CIART: variants seen among roughly 807,000 people sequenced by gnomAD.
The protein encoded by CIART is circadian-associated transcriptional repressor.
Under a neutral mutation model 22.1 loss-of-function variants are expected in CIART, and 7 were observed. The ratio of observed to expected loss-of-function variants is 0.32; its 90% confidence interval spans 0.18 to 0.59. The LOEUF is 0.59. CIART is among the 20% of genes least tolerant of loss of function. The probability of loss-of-function intolerance (pLI) is 0.86; values close to 1 mark genes in which losing one functional copy is unlikely to be tolerated. For synonymous variants in CIART, 163 were observed against 174.6 expected (o/e 0.93, Z 0.53); for missense variants, 440 against 478.0 (o/e 0.92, Z 0.74).
At position 150,286,415 on chromosome 1, in the gene CIART, T is replaced by G. The variant is rs1553854629; in HGVS notation, c.634-15T>G. 6.5e-7 allele frequency: 1 copy of G among 1,545,374 alleles called. No individual in the cohort carries two copies. Among genetic ancestry groups the G allele is most frequent in the Non-Finnish European group, 8.9e-7 (1 of 1,119,948 alleles). On this transcript the variant is annotated splice_polypyrimidine_tract_variant and intron_variant, in intron 4 of 4. Coordinates refer to ENST00000290363, the MANE Select transcript of CIART (RefSeq NM_144697.4). ...TTCTCCACATTTCTTTTTTTCTCAT[T>G]TCTCCCCTCTCTAGCATTTTCCAAG...
chr1:150,284,622 C>G lies in CIART; in HGVS notation c.547C>G (p.Gln183Glu). 1 of 1,613,642 alleles carries G rather than the reference C, an allele frequency of 6.2e-7. No individual in the cohort carries two copies. The highest frequency in any genetic ancestry group is 1.1e-5 in the South Asian group (1 of 91,074). Residue 183 changes from glutamine to glutamate, a missense_variant, in exon 4 of 5, where the codon CAG becomes GAG. By Grantham distance (29) the Gln-to-Glu change is conservative (BLOSUM62 2). Transcript: ENST00000290363. ...GGAACGTTACCTAGGAACCTTGCTACAGGTAGAAGGGATGTTAAAGACTTG... is the reference window on the plus strand; with the variant it reads ...GGAACGTTACCTAGGAACCTTGCTAGAGGTAGAAGGGATGTTAAAGACTTG... ...MGERYLGTLL[Q>E]VEGMLKTWFP... is the part of the protein sequence containing the mutation.
Position 150,284,504 on chromosome 1 carries a change from G to T in CIART, c.521G>T (p.Gly174Val). ...IVGVLQKPQM[G>V]ERYLGTLLQV... ...GGTGTTTTGCAGAAGCCACAGATGG[G>T]GTAAGTCCCGCTGGTTCTTTGCTTG... The change falls in exon 3 of 5, where the codon GGG becomes GTG. Residue 174 changes from glycine (G) to valine (V), a missense_variant and splice_region_variant. Physicochemically the swap from Gly to Val is moderately radical, Grantham distance 109. Transcript: ENST00000290363. 6.2e-7 allele frequency: 1 copy of T among 1,607,798 alleles called. No individual in the cohort carries two copies. The highest frequency in any genetic ancestry group is 8.5e-7 in the Non-Finnish European group (1 of 1,174,248).
rs782721064 is a variant in CIART at position 150,283,437 on chromosome 1, C to T, written c.170C>T (p.Pro57Leu). 40 of 1,614,076 alleles carry T rather than the reference C, an allele frequency of 2.5e-5. No individual in the cohort carries two copies. The change falls in exon 1 of 5, where the codon CCC becomes CTC. Residue 57 changes from proline to leucine, a missense_variant. Physicochemically the swap from Pro to Leu is moderately conservative, Grantham distance 98. Transcript: ENST00000290363. ...GTTGGGCAGAGGGGAGGTTCACGGC[C>T]CAGCCCGGGTCCTATCCGCTGCAGG... is the stretch of plus-strand genomic sequence containing the variant. ...DTVGQRGGSR[P>L]SPGPIRCRHR...
At chr1:150,286,193 C>T (rs1553854576) in intron 4 of CIART, among the ~76,000 whole-genome samples, 1 of 152,026 alleles carries the variant, frequency 6.6e-6, no homozygotes, top group East Asian at 1.9e-4. Context: ...TATCCAGTGT[C>T]TAATATAGTA....
chr1:150,283,711 A>C, intron 1 of CIART, 78 bp downstream of exon 1: 1 of 1,566,810 alleles, frequency 6.4e-7, no homozygotes, highest in Non-Finnish European at 8.8e-7. Flanking sequence ...CTGTGAGGAC[A>C]GTATTGACTC....
rs781798034 is a variant in CIART, at chr1:150,286,400, TTC to T, written c.634-28_634-27del. 2.0e-6 allele frequency: 3 copies of T among 1,519,860 alleles called. No homozygotes were observed. In the South Asian group the frequency reaches 3.4e-5, roughly 17 times the overall value. The allele number at this position is 1,519,860 out of a possible 1,614,324, so 94.1% of individuals were successfully genotyped here. On this transcript the variant is annotated intron_variant, in intron 4 of 4. Transcript: ENST00000290363. ...GCTCATCTGAATGCTTTCTCCACATTTCTTTTTTTCTCATTTCTCCCCTCTCT... is the reference window on the plus strand; with the variant it reads ...GCTCATCTGAATGCTTTCTCCACATTTTTTTTTCTCATTTCTCCCCTCTCT...
Position 150,286,841 on chromosome 1 carries a change from A to G in CIART, c.1045A>G (p.Thr349Ala). ...PVTLPSDWSY[T>A]LSPPSLPTLA... The stretch of plus-strand genomic sequence containing the variant: ...AACTCTGCCATCAGACTGGAGCTAT[A>G]CCCTATCCCCTCCCAGTCTACCCAC... The change falls in exon 5 of 5, where the codon ACC (threonine) becomes GCC (alanine). Residue 349 changes from threonine (T) to alanine (A), a missense_variant. Coordinates refer to ENST00000290363, the MANE Select transcript of CIART (RefSeq NM_144697.4). The G allele has an allele frequency of 6.2e-7, 1 of 1,613,312 alleles. No individual in the cohort carries two copies. Among genetic ancestry groups the G allele is most frequent in the Admixed American group, 1.7e-5 (1 of 59,978 alleles).
Position 150,284,727 on chromosome 1 carries a change from G to C in CIART, c.633+19G>C, listed in dbSNP as rs375566582. The C allele has an allele frequency of 1.3e-6, 2 of 1,562,328 alleles. No individual in the cohort carries two copies. The highest frequency in any genetic ancestry group is 2.3e-5 in the South Asian group (2 of 88,868). On this transcript the variant is annotated intron_variant, in intron 4 of 4. Coordinates refer to ENST00000290363, the MANE Select transcript of CIART (RefSeq NM_144697.4). ...GACCAAGGTAAGAACTTAAGAACAC[G>C]AGGAAGAGGTGGGAAAATAGCCAAG...
At position 150,283,250 on chromosome 1, in the gene CIART, G is replaced by A; in HGVS notation, c.-18G>A. 6.6e-7 allele frequency: 1 copy of A among 1,510,842 alleles called. No homozygotes were observed. Among genetic ancestry groups the A allele is most frequent in the Non-Finnish European group, 8.9e-7 (1 of 1,129,940 alleles). The allele number at this position is 1,510,842 out of a possible 1,614,324, so 93.6% of individuals were successfully genotyped here. A position where few individuals can be genotyped will look rare whatever the true frequency, so the allele number is the denominator to read the frequency against. On this transcript the variant is annotated 5_prime_UTR_variant, in exon 1 of 5. Coordinates refer to ENST00000290363, the MANE Select transcript of CIART (RefSeq NM_144697.4). Reference sequence around the variant, plus strand: ...TGGGTACTCCAGGAGCTGTTCTATAGCCCCTGCTTCTGGACCTATGGATTC... The same window carrying A: ...TGGGTACTCCAGGAGCTGTTCTATAACCCCTGCTTCTGGACCTATGGATTC...
chr1:150,282,769 T>C lies in CIART; in HGVS notation c.-499T>C, dbSNP rs1408696944. 2.6e-5 allele frequency: 4 copies of C among 152,298 alleles called. No individual in the cohort carries two copies. Among genetic ancestry groups the C allele is most frequent in the East Asian group, 3.9e-4 (2 of 5,168 alleles). The allele number at this position is 152,298 out of a possible 1,614,324, so 9.4% of individuals were successfully genotyped here. A position where few individuals can be genotyped will look rare whatever the true frequency, so the allele number is the denominator to read the frequency against. On this transcript the variant is annotated 5_prime_UTR_variant, in exon 1 of 5. Transcript: ENST00000290363. ...GCGCAGGGATCCTGATCTTGAAAGA[T>C]TGGGAGAGGGCAGGAGGCCAGTCTC...
intron 4 of CIART, among the ~76,000 whole-genome samples, chr1:150,285,948 G>A (rs1445427021): frequency 2.6e-5 from 4 of 152,082 alleles, no homozygotes; most frequent in Non-Finnish European, 2.9e-5. Context: ...TGCCAGCCTC[G>A]TTGACAGAGT....
At chr1:150,285,461 G>A (rs1196931600) in intron 4 of CIART, 5 of 153,120 alleles carry the variant, frequency 3.3e-5, no homozygotes, top group South Asian at 2.0e-4. Flanking sequence ...GCTCGAACCC[G>A]GGAGGCAGAG....
In CIART at chr1:150,286,922, GTTGCTGCTGATGCTCATCTTCTCAAC is replaced by G; in HGVS notation, c.1127_1152del (p.Val376AlafsTer?). The G allele has an allele frequency of 6.3e-7, 1 of 1,591,370 alleles. No individual in the cohort carries two copies. Among genetic ancestry groups the G allele is most frequent in the Non-Finnish European group, 8.6e-7 (1 of 1,166,536 alleles). On this transcript the variant is annotated frameshift_variant, in exon 5 of 5. Transcript: ENST00000290363. LOFTEE classifies it high-confidence loss of function. ...GGAGCAGCAGAGAAGCCATCCTCCA[GTTGCTGCTGATGCTCATCTTCTCAAC>G]CTCTAGCCCAGGGCATACAGCTGTC...
chr1:150,284,282 G>A (rs1490131901), intron 2 of CIART, 144 bp from the exon 3 acceptor site: 3 of 752,942 alleles, frequency 4.0e-6, no homozygotes, highest in African/African-American at 3.5e-5. Flanking sequence ...GCCTCCCAAA[G>A]TGCTGGGATT....
In CIART at chr1:150,286,728, C is replaced by A; in HGVS notation, c.932C>A (p.Pro311Gln). Reference protein sequence around the residue: ...QPFTHSAPTTPVPPTTASPVI... With the variant: ...QPFTHSAPTTQVPPTTASPVI... ...TTCACCCACTCTGCCCCAACCACCC[C>A]AGTCCCACCTACTACAGCATCTCCT... Residue 311 changes from proline to glutamine, a missense_variant, in exon 5 of 5, where the codon CCA becomes CAA. By Grantham distance (76) the Pro-to-Gln change is moderately conservative. Coordinates refer to ENST00000290363, the MANE Select transcript of CIART (RefSeq NM_144697.4). 1 of 1,613,306 alleles carries A rather than the reference C, an allele frequency of 6.2e-7. No homozygotes were observed. The highest frequency in any genetic ancestry group is 8.5e-7 in the Non-Finnish European group (1 of 1,179,250).
chr1:150,282,828 G>C lies in CIART; in HGVS notation c.-440G>C, dbSNP rs1653213477. The C allele has an allele frequency of 6.5e-6, 1 of 153,710 alleles. No homozygotes were observed. The highest frequency in any genetic ancestry group is 1.4e-5 in the Non-Finnish European group (1 of 69,068). The allele number at this position is 153,710 out of a possible 1,614,324, so 9.5% of individuals were successfully genotyped here. On this transcript the variant is annotated 5_prime_UTR_variant, in exon 1 of 5. Transcript: ENST00000290363. ...CGGTTCCCGTAGGATCACCAGGTGG[G>C]TTCGCGTGCCCAGATTGACTGCTTG...
chr1:150,286,428 A>G lies in CIART; in HGVS notation c.634-2A>G. On this transcript the variant is annotated splice_acceptor_variant, in intron 4 of 4. Transcript: ENST00000290363. LOFTEE classifies it high-confidence loss of function. ...TTTTTTTCTCATTTCTCCCCTCTCT[A>G]GCATTTTCCAAGCCACCACAGTGAT... 1 of 1,566,378 alleles carries G rather than the reference A, an allele frequency of 6.4e-7. No homozygotes were observed. The highest frequency in any genetic ancestry group is 8.8e-7 in the Non-Finnish European group (1 of 1,137,388).
At position 150,283,876 on chromosome 1, in the gene CIART, G is replaced by A; in HGVS notation, c.438G>A (p.Glu146=). The change falls in exon 2 of 5, where the codon GAG becomes GAA. Residue 146 remains glutamate (E), a synonymous_variant. Transcript: ENST00000290363. ...LLNGLKMGRF[E]RGLSSFQQSV... ...ATGGGCTGAAGATGGGTCGTTTTGA[G>A]AGAGGTAATCTTATTGTTGCATTCA... The A allele has an allele frequency of 6.4e-7, 1 of 1,568,334 alleles. No individual in the cohort carries two copies.
At position 150,283,851 on chromosome 1, in the gene CIART, A is replaced by G. The variant is rs782677729; in HGVS notation, c.413A>G (p.Asn138Ser). The change falls in exon 2 of 5, where the codon AAT becomes AGT. Residue 138 changes from asparagine to serine, a missense_variant. By Grantham distance (46) the Asn-to-Ser change is conservative. Coordinates refer to ENST00000290363, the MANE Select transcript of CIART (RefSeq NM_144697.4). ...GFIPPLTDLL[N>S]GLKMGRFERG... The stretch of plus-strand genomic sequence containing the variant: ...ATACCTCCTCTCACAGACCTACTCA[A>G]TGGGCTGAAGATGGGTCGTTTTGAG... 2 of 1,593,826 alleles carry G rather than the reference A, an allele frequency of 1.3e-6. No homozygotes were observed. The highest frequency in any genetic ancestry group is 1.7e-6 in the Non-Finnish European group (2 of 1,162,054).
Sources: allele counts gnomAD v4.1 joint callset (sites outside exome capture counted in the v4.1 genomes callset), GRCh38; gene constraint gnomAD v4.1.1; transcripts MANE v1.5; gene names NCBI Gene and HGNC (gene_info 2026-07-23, HGNC 2026-07-21).